The following RANBP2 variants were observed in gnomAD, a reference collection of about 807,000 sequenced individuals.
RANBP2 encodes the protein E3 SUMO-protein ligase RanBP2.
RANBP2 carries 57 observed loss-of-function variants against 303.6 expected under a neutral mutation model. The observed-to-expected ratio is 0.19, with a 90% CI of 0.15 to 0.23. The LOEUF is 0.23. Among genes scored for constraint, RANBP2 ranks in the 10% least tolerant of loss-of-function variants. The probability of loss-of-function intolerance (pLI) is 1.00; values close to 1 mark genes in which losing one functional copy is unlikely to be tolerated. For synonymous variants in RANBP2, 1,167 were observed against 1,301.5 expected, an observed-to-expected ratio of 0.90 and a Z score of 2.23; for missense variants, 3,138 against 3,780.8, an observed-to-expected ratio of 0.83 and a Z score of 4.46.
chr2:109,377,798 C>T, the RANBP2 span, among the ~76,000 whole-genome samples: 210 of 152,314 alleles, frequency 1.4e-3, no homozygotes, highest in African/African-American at 4.9e-3. Context: ...GTTCCTCCTG[C>T]TCCTGTAGCA....
At chr2:108,925,051 A>C in the RANBP2 span, among the ~76,000 whole-genome samples, 3 of 150,666 alleles carry the variant, frequency 2.0e-5, no homozygotes, top group Non-Finnish European at 4.4e-5. Context: ...TTCTCACTCT[A>C]CCTCCACGCA....
chr2:109,609,820 C>T, the RANBP2 span, among the ~76,000 whole-genome samples: 139 of 152,142 alleles, frequency 9.1e-4, no homozygotes, highest in African/African-American at 3.3e-3. Flanking sequence ...TTGGTCACCA[C>T]TTAAAAGGTA....
the RANBP2 span, among the ~76,000 whole-genome samples, chr2:108,802,748 A>G: frequency 6.7e-6 from 1 of 149,726 alleles, no homozygotes; most frequent in African/African-American, 2.4e-5. Flanking sequence ...CCCATTCAGT[A>G]TGATATCGGC....
At chr2:109,381,012 G>T in the RANBP2 span, among the ~76,000 whole-genome samples, 1 of 152,242 alleles carries the variant, frequency 6.6e-6, no homozygotes, top group Non-Finnish European at 1.5e-5. Flanking sequence ...GACTACCTGT[G>T]TTGGCTTTAA....
chr2:108,940,946 G>A, the RANBP2 span, among the ~76,000 whole-genome samples: 1 of 152,144 alleles, frequency 6.6e-6, no homozygotes, highest in Non-Finnish European at 1.5e-5. Context: ...CTTTGATAAC[G>A]TATATACACC....
chr2:109,676,455 G>A, the RANBP2 span, among the ~76,000 whole-genome samples: 1 of 152,188 alleles, frequency 6.6e-6, no homozygotes, highest in Non-Finnish European at 1.5e-5. Flanking sequence ...TCTGCGGGGC[G>A]GGCTGCTCAG....
At chr2:109,718,565 G>T in the RANBP2 span, among the ~76,000 whole-genome samples, 1 of 152,214 alleles carries the variant, frequency 6.6e-6, no homozygotes, top group Non-Finnish European at 1.5e-5. Flanking sequence ...GGGAGGTAGA[G>T]AGATGGATCA....
chr2:109,031,167 G>C, the RANBP2 span, among the ~76,000 whole-genome samples: 263 of 152,222 alleles, frequency 1.7e-3, no homozygotes, highest in Middle Eastern at 3.4e-3. Context: ...ACACCTTAGA[G>C]AGTAATTTAT....
chr2:109,051,175 C>T, the RANBP2 span, among the ~76,000 whole-genome samples: 1 of 152,216 alleles, frequency 6.6e-6, no homozygotes, highest in East Asian at 1.9e-4. Flanking sequence ...AGAACATCTT[C>T]AACAAATTTA....
chr2:109,312,135 A>C, the RANBP2 span, among the ~76,000 whole-genome samples: 17,526 of 152,266 alleles, frequency 0.12, 1,238 homozygotes, highest in East Asian at 0.26. Context: ...CCTATTCAGA[A>C]CTGGTTATTT....
chr2:108,809,548 T>C, the RANBP2 span, among the ~76,000 whole-genome samples: 1 of 152,014 alleles, frequency 6.6e-6, no homozygotes, highest in Admixed American at 6.6e-5. Context: ...TTCACTTCCT[T>C]GGTTAAATTT....
At chr2:109,574,789 T>C in the RANBP2 span, 4 of 1,517,728 alleles carry the variant, frequency 2.6e-6, no homozygotes, top group Non-Finnish European at 3.6e-6. Flanking sequence ...TTTAAATGTT[T>C]AATACAACAT....
the RANBP2 span, among the ~76,000 whole-genome samples, chr2:108,995,585 C>G: frequency 6.6e-6 from 1 of 152,214 alleles, no homozygotes; most frequent in East Asian, 1.9e-4. Context: ...TTCCCAGCCT[C>G]CCTTCTCCAG....
At chr2:109,559,619 A>G in the RANBP2 span, among the ~76,000 whole-genome samples, 1 of 152,200 alleles carries the variant, frequency 6.6e-6, no homozygotes, top group African/African-American at 2.4e-5. Flanking sequence ...ACCAGTATCC[A>G]TTATCCTCAT....
At chr2:109,548,775 CAAAAAAAAAAA>C in the RANBP2 span, among the ~76,000 whole-genome samples, 2 of 63,596 alleles carry the variant, frequency 3.1e-5, no homozygotes, top group Non-Finnish European at 6.0e-5. Context: ...GGCTCCATCT[CAAAAAAAAAAA>C]AAAAAAAAAA....
chr2:109,395,020 G>A, the RANBP2 span, among the ~76,000 whole-genome samples: 24 of 152,240 alleles, frequency 1.6e-4, no homozygotes, highest in Middle Eastern at 3.2e-3. Flanking sequence ...GGATGGCACC[G>A]GTGCCAAATT....
the RANBP2 span, among the ~76,000 whole-genome samples, chr2:109,620,868 A>G: frequency 6.6e-6 from 1 of 152,252 alleles, no homozygotes. Context: ...AATGAAGTTT[A>G]GTTTAACATG....
chr2:109,178,655 C>T, the RANBP2 span, among the ~76,000 whole-genome samples: 1 of 152,310 alleles, frequency 6.6e-6, no homozygotes, highest in Admixed American at 6.5e-5. Flanking sequence ...ATGGATCATG[C>T]TCCTCTTCCT....
chr2:109,012,934 A>G, the RANBP2 span, among the ~76,000 whole-genome samples: 1 of 152,168 alleles, frequency 6.6e-6, no homozygotes. Flanking sequence ...AACAACAAAA[A>G]AAACTTCATT....
Sources: allele counts gnomAD v4.1 joint callset (sites outside exome capture counted in the v4.1 genomes callset), GRCh38; gene constraint gnomAD v4.1.1; transcripts MANE v1.5; gene names NCBI Gene and HGNC (gene_info 2026-07-23, HGNC 2026-07-21).